The following GPHN variants were observed in gnomAD, a reference collection of about 807,000 sequenced individuals.
GPHN encodes gephyrin.
Under a neutral mutation model 95.5 loss-of-function variants are expected in GPHN, and 17 were observed. That is an observed-to-expected ratio of 0.18 (90% CI 0.12 to 0.27). The LOEUF (loss-of-function observed/expected upper bound fraction) is 0.27, where lower values mean the gene tolerates loss of function less well. Ranked by LOEUF, GPHN falls within the 10% of genes least tolerant of loss-of-function variation. GPHN has a pLI of 1.00. For synonymous variants in GPHN, 320 were observed against 322.5 expected, an observed-to-expected ratio of 0.99 and a Z score of 0.08; for missense variants, 660 against 978.1, an observed-to-expected ratio of 0.67 and a Z score of 4.34.
chr14:66,603,387 CTT>C (rs1349374605), intron 1 of GPHN, among the ~76,000 whole-genome samples: 1 of 151,750 alleles, frequency 6.6e-6, no homozygotes, highest in Non-Finnish European at 1.5e-5. Flanking sequence ...CGTACGAACA[CTT>C]TTGTTCCTTG....
intron 1 of GPHN, among the ~76,000 whole-genome samples, chr14:66,644,703 A>C (rs577341997): frequency 7.9e-5 from 12 of 152,218 alleles, no homozygotes; most frequent in African/African-American, 2.9e-4. Context: ...ACATCTATTA[A>C]ATGTATGTGT....
At chr14:66,652,351 A>G (rs1244741743) in intron 1 of GPHN, among the ~76,000 whole-genome samples, 1 of 152,100 alleles carries the variant, frequency 6.6e-6, no homozygotes, top group Non-Finnish European at 1.5e-5. Flanking sequence ...ACTTAATGCA[A>G]TTTAAGCAAA....
At chr14:67,019,759 G>A (rs1029857689) in intron 9 of GPHN, among the ~76,000 whole-genome samples, 3 of 152,100 alleles carry the variant, frequency 2.0e-5, no homozygotes, top group African/African-American at 7.2e-5. Flanking sequence ...CGCAGGGAAC[G>A]GTGATCAAAA....
the GPHN span, among the ~76,000 whole-genome samples, chr14:67,721,378 C>T: frequency 5.9e-5 from 9 of 152,138 alleles, no homozygotes; most frequent in Admixed American, 2.6e-4. Flanking sequence ...CTCAGCCTCC[C>T]GAGTAGCTAG....
chr14:66,911,459 A>G (rs1396706888), intron 5 of GPHN, among the ~76,000 whole-genome samples: 1 of 152,032 alleles, frequency 6.6e-6, no homozygotes, highest in Non-Finnish European at 1.5e-5. Context: ...TTTACAAAAA[A>G]GTAAGAATGT....
the GPHN span, among the ~76,000 whole-genome samples, chr14:67,281,205 G>T: frequency 6.6e-6 from 1 of 151,848 alleles, no homozygotes; most frequent in African/African-American, 2.4e-5. Flanking sequence ...CTCAAGTCTG[G>T]AGCAGTTTCT....
intron 12 of GPHN, among the ~76,000 whole-genome samples, chr14:67,093,527 G>A (rs2077223691): frequency 6.6e-6 from 1 of 152,008 alleles, no homozygotes; most frequent in Admixed American, 6.6e-5. Flanking sequence ...GAAAAAGAGG[G>A]CCTTATGATA....
At chr14:67,665,237 C>A in the GPHN span, among the ~76,000 whole-genome samples, 2 of 149,526 alleles carry the variant, frequency 1.3e-5, no homozygotes, top group South Asian at 4.2e-4. Flanking sequence ...TTAATCACAA[C>A]AGCATCTAAT....
At chr14:67,336,374 TTA>T in the GPHN span, 6 of 187,440 alleles carry the variant, frequency 3.2e-5, no homozygotes, top group Middle Eastern at 2.3e-3. Context: ...ACACAACAAA[TTA>T]TGTGTCCATT....
chr14:67,233,660 A>T, the GPHN span, among the ~76,000 whole-genome samples: 3 of 152,210 alleles, frequency 2.0e-5, no homozygotes, highest in Non-Finnish European at 4.4e-5. Context: ...TAGTGCAACA[A>T]TCCAGGCAAA....
the GPHN span, among the ~76,000 whole-genome samples, chr14:67,701,665 G>T: frequency 6.6e-6 from 1 of 151,734 alleles, no homozygotes; most frequent in African/African-American, 2.4e-5. Context: ...CTTGTGATCC[G>T]CCCACTTCAG....
intron 1 of GPHN, among the ~76,000 whole-genome samples, chr14:66,607,955 T>G (rs1457288169): frequency 6.6e-6 from 1 of 151,798 alleles, no homozygotes; most frequent in Non-Finnish European, 1.5e-5. Context: ...TACTCTTCTT[T>G]CCATTGATCT....
At chr14:67,349,236 C>G in the GPHN span, 3 of 877,780 alleles carry the variant, frequency 3.4e-6, no homozygotes, top group East Asian at 8.3e-5. Flanking sequence ...GATAACTGTC[C>G]TTTTTCCAAA....
At chr14:66,991,149 G>T (rs367915613) in intron 9 of GPHN, among the ~76,000 whole-genome samples, 2 of 151,846 alleles carry the variant, frequency 1.3e-5, no homozygotes, top group African/African-American at 4.8e-5. Context: ...TTAGATTATT[G>T]ATTTTTAACT....
the GPHN span, among the ~76,000 whole-genome samples, chr14:67,248,355 TAAA>T: frequency 6.8e-6 from 1 of 147,106 alleles, no homozygotes; most frequent in Non-Finnish European, 1.5e-5. Context: ...TCTCTTTTCT[TAAA>T]AAAAAAAGGA....
intron 4 of GPHN, among the ~76,000 whole-genome samples, 164 bp from the exon 5 acceptor site, chr14:66,879,775 T>C (rs574177925): frequency 5.3e-4 from 81 of 152,240 alleles, no homozygotes; most frequent in African/African-American, 1.8e-3. Context: ...TCAGTGGTCC[T>C]TGTGAATTGA....
the GPHN span, among the ~76,000 whole-genome samples, chr14:67,288,486 G>C: frequency 6.6e-6 from 1 of 152,184 alleles, no homozygotes; most frequent in African/African-American, 2.4e-5. Flanking sequence ...GACGCCAGGA[G>C]TTATAGACTC....
At chr14:67,455,115 G>A in the GPHN span, among the ~76,000 whole-genome samples, 1 of 152,204 alleles carries the variant, frequency 6.6e-6, no homozygotes, top group Non-Finnish European at 1.5e-5. Flanking sequence ...CTACCAAAGT[G>A]CTGGGATTAT....
At chr14:66,984,611 T>C (rs1317286943) in intron 9 of GPHN, among the ~76,000 whole-genome samples, 1 of 152,160 alleles carries the variant, frequency 6.6e-6, no homozygotes, top group Non-Finnish European at 1.5e-5. Context: ...GATAAGACAA[T>C]ATATATCCTG....
Sources: allele counts gnomAD v4.1 joint callset (sites outside exome capture counted in the v4.1 genomes callset), GRCh38; gene constraint gnomAD v4.1.1; transcripts MANE v1.5; gene names NCBI Gene and HGNC (gene_info 2026-07-23, HGNC 2026-07-21).